DAPK1: variants seen among roughly 807,000 people sequenced by gnomAD.
DAPK1 encodes the protein death-associated protein kinase 1.
A neutral mutation model predicts 144.9 loss-of-function variants in DAPK1; 56 were observed. That is an observed-to-expected ratio of 0.39 (90% CI 0.31 to 0.48). The LOEUF (loss-of-function observed/expected upper bound fraction) is 0.48, where lower values mean the gene tolerates loss of function less well. Among genes scored for constraint, DAPK1 ranks in the 20% least tolerant of loss-of-function variants. DAPK1 has a pLI of 0.95. For synonymous variants in DAPK1, 690 were observed against 749.0 expected, an observed-to-expected ratio of 0.92 and a Z score of 1.29; for missense variants, 1,454 against 1,875.4, an observed-to-expected ratio of 0.78 and a Z score of 4.15.
At chr9:87,506,052 C>A (rs991185160) in intron 2 of DAPK1, among the ~76,000 whole-genome samples, 6 of 152,308 alleles carry the variant, frequency 3.9e-5, no homozygotes, top group Non-Finnish European at 7.3e-5. Flanking sequence ...ATTTTATCCA[C>A]CTGTGTTTAG....
chr9:87,598,139 C>A (rs1828385268), intron 2 of DAPK1, among the ~76,000 whole-genome samples: 1 of 152,180 alleles, frequency 6.6e-6, no homozygotes, highest in African/African-American at 2.4e-5. Flanking sequence ...ACCTGTAATT[C>A]TAATATTCTG....
chr9:87,616,735 G>T (rs991429094), intron 3 of DAPK1, among the ~76,000 whole-genome samples: 10 of 151,874 alleles, frequency 6.6e-5, no homozygotes, highest in Non-Finnish European at 5.9e-5. Flanking sequence ...GTGGTGTGAG[G>T]ACCCTGGAAT....
rs1450721789 is a variant in DAPK1 at position 87,706,661 on chromosome 9, A to G, written c.3590A>G (p.Gln1197Arg). 6.2e-7 allele frequency: 1 copy of G among 1,612,258 alleles called. No homozygotes were observed. The highest frequency in any genetic ancestry group is 2.2e-5 in the East Asian group (1 of 44,852). Residue 1197 changes from glutamine (Q) to arginine (R), a missense_variant, in exon 26 of 26, where the codon CAG becomes CGG. Coordinates refer to ENST00000408954, the MANE Select transcript of DAPK1 (RefSeq NM_004938.4). This position sits in a 1 kb window ranked among gnomAD's most constrained non-coding sequence, Gnocchi z 9.0. ...AACCACGGCCAGGGCATTGAGGTCCAGGTCCGCGGCCTGGAGACGGAGAAG... is the reference window on the plus strand; with the variant it reads ...AACCACGGCCAGGGCATTGAGGTCCGGGTCCGCGGCCTGGAGACGGAGAAG... ...LVNHGQGIEV[Q>R]VRGLETEKIK... is the part of the protein sequence containing the mutation.
intron 1 of DAPK1, chr9:87,498,481 G>A (rs1824267727): frequency 3.9e-6 from 1 of 256,334 alleles, no homozygotes; most frequent in South Asian, 1.7e-4. Flanking sequence ...TGCCTCGCTC[G>A]GGGAAGGGGA....
chr9:87,703,255 G>A (rs375440871), intron 25 of DAPK1, 38 bp downstream of exon 25: 7 of 1,280,312 alleles, frequency 5.5e-6, no homozygotes, highest in Admixed American at 1.7e-5. Context: ...GCCGTGAGAG[G>A]TGCCAGGGAC....
intron 4 of DAPK1, 100 bp from the exon 5 acceptor site, chr9:87,639,254 T>G (rs1204116305): frequency 5.2e-6 from 6 of 1,151,908 alleles, no homozygotes; most frequent in Non-Finnish European, 7.3e-6. Context: ...TTCCCTACTT[T>G]TTGGCCTTTT....
intron 2 of DAPK1, among the ~76,000 whole-genome samples, chr9:87,552,289 A>G (rs1826520249): frequency 6.7e-6 from 1 of 150,230 alleles, no homozygotes. Flanking sequence ...TGTACCTAGG[A>G]CTTCAGTCCC....
intron 2 of DAPK1, among the ~76,000 whole-genome samples, chr9:87,597,758 G>A (rs1253296865): frequency 1.3e-5 from 2 of 152,002 alleles, no homozygotes; most frequent in African/African-American, 4.8e-5. Context: ...CTGACCTGAC[G>A]CCTCCCTGCC....
chr9:87,593,532 G>A (rs1435714162), intron 2 of DAPK1, among the ~76,000 whole-genome samples: 1 of 152,216 alleles, frequency 6.6e-6, no homozygotes, highest in South Asian at 2.1e-4. Flanking sequence ...GGGCAATTTA[G>A]TAGAGTATTT....
intron 2 of DAPK1, among the ~76,000 whole-genome samples, chr9:87,548,451 G>C (rs1307383442): frequency 6.6e-6 from 1 of 152,032 alleles, no homozygotes; most frequent in African/African-American, 2.4e-5. Context: ...TCCTGTTCCT[G>C]GGTCTGTTCT....
At chr9:87,498,949 C>A in intron 1 of DAPK1, 21 bp from the exon 2 acceptor site, 1 of 684,118 alleles carries the variant, frequency 1.5e-6, no homozygotes, top group South Asian at 1.9e-5. Flanking sequence ...ATTATTATTG[C>A]CTTTTTTTTT....
Position 87,707,936 on chromosome 9 carries a change from GCCAGGAGCTGTCA to G in DAPK1, c.*576_*588del. The G allele has an allele frequency of 4.4e-6, 2 of 452,830 alleles. No individual in the cohort carries two copies. Among genetic ancestry groups the G allele is most frequent in the South Asian group, 3.1e-5 (2 of 63,522 alleles). The allele number at this position is 452,830 out of a possible 1,614,324, so 28.1% of individuals were successfully genotyped here. ...GGTGTGTTTGAAATCATCGGAGTCA[GCCAGGAGCTGTCA>G]CCAAGGAAACGCTACCTCTCTGTCC... is the stretch of plus-strand genomic sequence containing the variant. On this transcript the variant is annotated 3_prime_UTR_variant, in exon 26 of 26. Transcript: ENST00000408954. The surrounding 1 kb of genome is among the most constrained non-coding windows in gnomAD (Gnocchi z 4.0).
At chr9:87,649,541 G>A (rs1158841993) in intron 15 of DAPK1, among the ~76,000 whole-genome samples, 1 of 152,194 alleles carries the variant, frequency 6.6e-6, no homozygotes, top group Non-Finnish European at 1.5e-5. Flanking sequence ...TAAAGTCAGC[G>A]AGGCACTTAT....
chr9:87,516,328 G>A (rs1587677444), intron 2 of DAPK1, among the ~76,000 whole-genome samples: 3 of 152,120 alleles, frequency 2.0e-5, no homozygotes, highest in East Asian at 3.9e-4. Context: ...AGGCCATATC[G>A]GGTTCTCCCA....
intron 2 of DAPK1, among the ~76,000 whole-genome samples, chr9:87,586,446 A>T (rs1217024834): frequency 6.6e-6 from 1 of 151,900 alleles, no homozygotes; most frequent in African/African-American, 2.4e-5. Context: ...ATACAGTTAT[A>T]CTCTGCATAT....
intron 2 of DAPK1, among the ~76,000 whole-genome samples, chr9:87,559,224 C>G (rs1256855380): frequency 6.6e-6 from 1 of 152,180 alleles, no homozygotes. Context: ...GGTAATGTGT[C>G]ATCTCTAGTA....
At chr9:87,545,541 A>G (rs974523101) in intron 2 of DAPK1, among the ~76,000 whole-genome samples, 1 of 152,106 alleles carries the variant, frequency 6.6e-6, no homozygotes, top group African/African-American at 2.4e-5. Context: ...GAGGCATTTC[A>G]GCTTTAAAAA....
At chr9:87,635,445 G>A (rs959780940) in intron 3 of DAPK1, among the ~76,000 whole-genome samples, 5 of 152,130 alleles carry the variant, frequency 3.3e-5, no homozygotes, top group African/African-American at 1.2e-4. Flanking sequence ...AGAGAAAGCC[G>A]GCGGCTGGGC....
At chr9:87,504,375 G>A (rs1243389341) in intron 2 of DAPK1, among the ~76,000 whole-genome samples, 1 of 152,182 alleles carries the variant, frequency 6.6e-6, no homozygotes, top group Non-Finnish European at 1.5e-5. Flanking sequence ...TGGCAGTTTG[G>A]TTGAATGCTT....
Sources: gnomAD v4.1 joint callset for allele counts (sites outside exome capture counted in the v4.1 genomes callset) on GRCh38, gnomAD v4.1.1 for gene constraint, Gnocchi (gnomAD v3.1) non-coding constraint, MANE v1.5 for transcripts, NCBI Gene and HGNC (gene_info 2026-07-23, HGNC 2026-07-21) for gene names.